NAV2: variants seen among roughly 807,000 people sequenced by gnomAD.
NAV2 encodes the protein neuron navigator 2.
Under a neutral mutation model 223.2 loss-of-function variants are expected in NAV2, and 54 were observed. The ratio of observed to expected loss-of-function variants is 0.24; its 90% confidence interval spans 0.19 to 0.30. The LOEUF (loss-of-function observed/expected upper bound fraction) is 0.30. Among genes scored for constraint, NAV2 ranks in the 10% least tolerant of loss-of-function variants. The pLI is 1.00. For synonymous variants in NAV2, 1,279 were observed against 1,239.3 expected (o/e 1.03, Z -0.67); for missense variants, 2,806 against 3,147.5 (o/e 0.89, Z 2.60).
intron 1 of NAV2, among the ~76,000 whole-genome samples, chr11:19,513,214 T>A (rs187843710): frequency 3.3e-5 from 5 of 152,342 alleles, no homozygotes; most frequent in African/African-American, 1.2e-4. Context: ...TCTTTATCTC[T>A]TCCAGTGTGT....
chr11:20,083,508 G>C (rs942512709), intron 26 of NAV2, among the ~76,000 whole-genome samples: 1 of 152,204 alleles, frequency 6.6e-6, no homozygotes, highest in East Asian at 1.9e-4. Flanking sequence ...AATTGGACGA[G>C]ATAAATGGAT....
intron 1 of NAV2, among the ~76,000 whole-genome samples, chr11:19,458,057 G>A (rs1252042918): frequency 1.3e-5 from 2 of 152,116 alleles, no homozygotes; most frequent in Admixed American, 6.6e-5. Flanking sequence ...ATGATGGTTT[G>A]GCAGCAGGCA....
At chr11:19,587,960 G>T (rs58981618) in intron 1 of NAV2, among the ~76,000 whole-genome samples, 1 of 152,222 alleles carries the variant, frequency 6.6e-6, no homozygotes, top group Non-Finnish European at 1.5e-5. Flanking sequence ...GAGTGCCATT[G>T]GGTCTAGTAC....
chr11:19,586,569 C>T (rs1456111424), intron 1 of NAV2, among the ~76,000 whole-genome samples: 1 of 152,084 alleles, frequency 6.6e-6, no homozygotes, highest in Non-Finnish European at 1.5e-5. Context: ...TGTGGATGTC[C>T]TTTCTGTTTG....
At chr11:19,926,366 C>T (rs1459352310) in intron 6 of NAV2, among the ~76,000 whole-genome samples, 1 of 152,160 alleles carries the variant, frequency 6.6e-6, no homozygotes. Context: ...CGCTTACCTT[C>T]TTTACTTCTC....
chr11:19,818,622 C>T (rs1025583320), intron 1 of NAV2, among the ~76,000 whole-genome samples: 1 of 152,106 alleles, frequency 6.6e-6, no homozygotes, highest in African/African-American at 2.4e-5. Context: ...CCAAAATTTA[C>T]TGAAAATGTT....
At chr11:20,052,327 C>G (rs767971894) in intron 17 of NAV2, among the ~76,000 whole-genome samples, 3 of 152,206 alleles carry the variant, frequency 2.0e-5, no homozygotes, top group Admixed American at 6.5e-5. Context: ...AAAGCCAGTT[C>G]TAAGAATCTA....
intron 6 of NAV2, among the ~76,000 whole-genome samples, chr11:19,900,196 A>AGAC (rs2042328560): frequency 6.7e-6 from 1 of 148,540 alleles, no homozygotes; most frequent in South Asian, 2.2e-4. Flanking sequence ...GTGACCAGTT[A>AGAC]GACCACCTGT....
At chr11:19,513,390 A>C (rs1050881740) in intron 1 of NAV2, among the ~76,000 whole-genome samples, 1 of 152,214 alleles carries the variant, frequency 6.6e-6, no homozygotes, top group African/African-American at 2.4e-5. Context: ...TGCTGGTTAC[A>C]CAGTCAGATC....
At chr11:19,564,224 C>G (rs187781634) in intron 1 of NAV2, among the ~76,000 whole-genome samples, 136 of 152,312 alleles carry the variant, frequency 8.9e-4, no homozygotes, top group African/African-American at 3.0e-3. Context: ...CATTTCAGGG[C>G]ATAGCGCTGG....
At chr11:19,659,953 C>CTAT (rs144868564) in intron 1 of NAV2, among the ~76,000 whole-genome samples, 13,962 of 150,956 alleles carry the variant, frequency 0.092, 1,212 homozygotes, top group African/African-American at 0.23. Flanking sequence ...CACAAAAGAA[C>CTAT]TATTATTATT....
chr11:19,417,503 T>C (rs928093700), intron 1 of NAV2, among the ~76,000 whole-genome samples: 7 of 152,346 alleles, frequency 4.6e-5, no homozygotes, highest in African/African-American at 9.6e-5. Flanking sequence ...GGTGGGATTG[T>C]AAATTAGTTC....
chr11:19,784,365 G>A (rs2056953017), intron 1 of NAV2, among the ~76,000 whole-genome samples: 1 of 123,220 alleles, frequency 8.1e-6, no homozygotes, highest in South Asian at 2.6e-4. Context: ...TCCAGCCTGG[G>A]CAACAAGATC....
chr11:19,776,676 G>GTGTGTGTGT (rs61624701), intron 1 of NAV2, among the ~76,000 whole-genome samples: 8 of 147,752 alleles, frequency 5.4e-5, no homozygotes, highest in Non-Finnish European at 9.0e-5. Flanking sequence ...GTGTGTGTGT[G>GTGTGTGTGT]GTTAGAGTTG....
chr11:19,963,480 T>C (rs2048510297), intron 10 of NAV2, among the ~76,000 whole-genome samples: 1 of 152,102 alleles, frequency 6.6e-6, no homozygotes. Flanking sequence ...GTGCACCTTC[T>C]GAACATCGGA....
intron 1 of NAV2, among the ~76,000 whole-genome samples, chr11:19,681,436 C>T (rs2048877375): frequency 6.6e-6 from 1 of 151,968 alleles, no homozygotes; most frequent in Admixed American, 6.5e-5. Context: ...GAACCCAGGT[C>T]TCTCTGCAAT....
At chr11:19,773,131 A>G (rs1590414320) in intron 1 of NAV2, among the ~76,000 whole-genome samples, 1 of 152,210 alleles carries the variant, frequency 6.6e-6, no homozygotes, top group East Asian at 1.9e-4. Context: ...TTGATGAGCA[A>G]GATGGACAGT....
intron 11 of NAV2, among the ~76,000 whole-genome samples, chr11:20,005,259 T>A (rs200861200): frequency 0.02 from 738 of 36,548 alleles, 4 homozygotes; most frequent in African/African-American, 0.036. Flanking sequence ...ATATATTTTT[T>A]TTTTTTTTTG....
intron 1 of NAV2, among the ~76,000 whole-genome samples, chr11:19,423,041 C>G (rs1201316621): frequency 6.6e-6 from 1 of 152,206 alleles, no homozygotes; most frequent in Non-Finnish European, 1.5e-5. Flanking sequence ...AACTGTTTCA[C>G]AAGGTTATAA....
Sources: allele counts gnomAD v4.1 joint callset (sites outside exome capture counted in the v4.1 genomes callset), GRCh38; gene constraint gnomAD v4.1.1; transcripts MANE v1.5; gene names NCBI Gene and HGNC (gene_info 2026-07-23, HGNC 2026-07-21).